The following C5orf22 variants were observed in gnomAD, a reference collection of about 807,000 sequenced individuals.
C5orf22 encodes the protein UPF0489 protein C5orf22.
Under a neutral mutation model 48.7 loss-of-function variants are expected in C5orf22, and 36 were observed. That is an observed-to-expected ratio of 0.74 (90% CI 0.57 to 0.98). C5orf22 has a LOEUF of 0.98. Ranked by LOEUF, C5orf22 falls within the 50% of genes least tolerant of loss-of-function variation. The pLI, the probability that C5orf22 is intolerant of heterozygous loss-of-function variation, is 0.00. For synonymous variants in C5orf22, 141 were observed against 180.8 expected (o/e 0.78, Z 1.76); for missense variants, 486 against 521.9 (o/e 0.93, Z 0.67).
At chr5:31,548,937 C>T (rs1743067110) in intron 7 of C5orf22, among the ~76,000 whole-genome samples, 1 of 152,066 alleles carries the variant, frequency 6.6e-6, no homozygotes, top group African/African-American at 2.4e-5. Flanking sequence ...ATCAGATCTC[C>T]AGCCGGGCAT....
At position 31,552,902 on chromosome 5, in the gene C5orf22, A is replaced by C; in HGVS notation, c.1329A>C (p.Ter443CysextTer18). Residue 443 changes from the stop codon to cysteine (C), a stop_lost, in exon 9 of 9, where the codon TGA (stop) becomes TGC (cysteine). Coordinates refer to ENST00000325366, the MANE Select transcript of C5orf22 (RefSeq NM_018356.3). ...QVYAAESPPS[*>C] ...ATGCAGCAGAGTCTCCTCCATCTTG[A>C]AACAAACAAAACATTAGGCTCCTGT... is the stretch of plus-strand genomic sequence containing the variant. 1.2e-6 allele frequency: 2 copies of C among 1,613,168 alleles called. No homozygotes were observed. Among genetic ancestry groups the C allele is most frequent in the Non-Finnish European group, 1.7e-6 (2 of 1,179,452 alleles).
At chr5:31,552,631 C>T (rs10520987) in intron 8 of C5orf22, 142 bp from the exon 9 acceptor site, 253,859 of 637,904 alleles carry the variant, frequency 0.4, 54,662 homozygotes, top group African/African-American at 0.61. Flanking sequence ...GGTAAACCTT[C>T]ACTAGCTTTC....
chr5:31,539,167 AC>A (rs1742298742), intron 4 of C5orf22, among the ~76,000 whole-genome samples: 1 of 152,254 alleles, frequency 6.6e-6, no homozygotes, highest in South Asian at 2.1e-4. Context: ...ACAACTATTT[AC>A]ATAGGATTTA....
chr5:31,545,628 G>A lies in C5orf22; in HGVS notation c.993-18G>A. 6.3e-7 allele frequency: 1 copy of A among 1,597,394 alleles called. No individual in the cohort carries two copies. Among genetic ancestry groups the A allele is most frequent in the Non-Finnish European group, 8.6e-7 (1 of 1,165,874 alleles). On this transcript the variant is annotated intron_variant, in intron 6 of 8. Coordinates refer to ENST00000325366, the MANE Select transcript of C5orf22 (RefSeq NM_018356.3). ...TGGTGGTTGTGATGTTTAATTGAGT[G>A]GGATGGCTTTTTTCCAGAATGGAAT...
intron 8 of C5orf22, among the ~76,000 whole-genome samples, chr5:31,551,959 C>T (rs1743295080): frequency 6.6e-6 from 1 of 152,184 alleles, no homozygotes; most frequent in African/African-American, 2.4e-5. Flanking sequence ...TACAGATTAT[C>T]TCTTTAGGTT....
chr5:31,532,518 C>G (rs1007621246), intron 1 of C5orf22, 45 bp downstream of exon 1: 5 of 1,553,616 alleles, frequency 3.2e-6, no homozygotes, highest in Non-Finnish European at 4.4e-6. Context: ...CAGCGGAAGC[C>G]CTGACGCTCA....
At chr5:31,534,485 A>G (rs1580432283) in intron 2 of C5orf22, 68 bp downstream of exon 2, 1 of 1,392,102 alleles carries the variant, frequency 7.2e-7, no homozygotes, top group Non-Finnish European at 9.9e-7. Context: ...ATAAGCAATT[A>G]TAGGAAATAG....
intron 3 of C5orf22, among the ~76,000 whole-genome samples, chr5:31,537,856 A>G (rs1260347583): frequency 6.6e-6 from 1 of 152,174 alleles, no homozygotes; most frequent in Non-Finnish European, 1.5e-5. Context: ...AGTTTGGGGA[A>G]CCCTAGTTCC....
chr5:31,535,753 TA>T lies in C5orf22; in HGVS notation c.238del (p.Ile80LeufsTer17). 1 of 1,596,792 alleles carries T rather than the reference TA, an allele frequency of 6.3e-7. No homozygotes were observed. Among genetic ancestry groups the T allele is most frequent in the Non-Finnish European group, 8.5e-7 (1 of 1,174,746 alleles). Reference protein sequence around the residue: ...DKETLFGELSIENWIMPAVYA... With the variant: ...DKETLFGELSXENWIMPAVYA... ...TATGTTTCTTTTCCAGAGAATTAAG[TA>T]TTGAAAATTGGATTATGCCTGCAGT... On this transcript the variant is annotated frameshift_variant, in exon 3 of 9. Transcript: ENST00000325366. LOFTEE classifies it high-confidence loss of function.
At chr5:31,537,415 T>C (rs546059605) in intron 3 of C5orf22, among the ~76,000 whole-genome samples, 7 of 152,324 alleles carry the variant, frequency 4.6e-5, no homozygotes, top group African/African-American at 1.7e-4. Context: ...CATCTTAGGG[T>C]TGTACAGTTT....
rs1371807693 is a variant in C5orf22, at chr5:31,535,180, A to G, written c.228-564A>G. On this transcript the variant is annotated intron_variant, in intron 2 of 8. Coordinates refer to ENST00000325366, the MANE Select transcript of C5orf22 (RefSeq NM_018356.3). ...CTTATTTGAAATGTAGAATTCAGCA[A>G]TTCAGTATCAAGTGTGAATAACCAT... The G allele has an allele frequency of 8.6e-6, 3 of 347,354 alleles. No individual in the cohort carries two copies. The Admixed American group carries it at 1.1e-4, about 13-fold the overall frequency. 21.5% of individuals were successfully genotyped at this position (347,354 alleles called of 1,614,324 possible). A position where few individuals can be genotyped will look rare whatever the true frequency, so the allele number is the denominator to read the frequency against.
chr5:31,539,126 A>T (rs1742296522), intron 4 of C5orf22, among the ~76,000 whole-genome samples: 1 of 152,246 alleles, frequency 6.6e-6, no homozygotes, highest in African/African-American at 2.4e-5. Flanking sequence ...CAAGAGTAAA[A>T]AATAATACAA....
In C5orf22 at chr5:31,534,621, A is replaced by G. The variant is rs1580432524; in HGVS notation, c.227+204A>G. ...AGCAAATATTTTAGGTTTGCTGGCT[A>G]TATGGTCTCTGTTGCAACTATTAAT... On this transcript the variant is annotated intron_variant, in intron 2 of 8. Transcript: ENST00000325366. 2.6e-5 allele frequency: 14 copies of G among 548,214 alleles called. No individual in the cohort carries two copies. In the East Asian group the frequency reaches 3.8e-4, roughly 15 times the overall value. The allele number at this position is 548,214 out of a possible 1,614,324, so 34.0% of individuals were successfully genotyped here. A position where few individuals can be genotyped will look rare whatever the true frequency, so the allele number is the denominator to read the frequency against.
chr5:31,538,712 C>T, intron 4 of C5orf22, 23 bp downstream of exon 4: 3 of 1,545,454 alleles, frequency 1.9e-6, no homozygotes, highest in Non-Finnish European at 2.7e-6. Flanking sequence ...GTTTTTAACA[C>T]ATAGATCTTG....
intron 8 of C5orf22, among the ~76,000 whole-genome samples, chr5:31,552,062 G>A (rs1450803754): frequency 1.3e-5 from 2 of 152,230 alleles, no homozygotes; most frequent in Non-Finnish European, 1.5e-5. Flanking sequence ...TCCTCTAGAA[G>A]GCTTTATTCA....
Position 31,554,520 on chromosome 5 carries a change from A to T in C5orf22, c.*1618A>T, listed in dbSNP as rs1307673011. On this transcript the variant is annotated 3_prime_UTR_variant, in exon 9 of 9. Coordinates refer to ENST00000325366, the MANE Select transcript of C5orf22 (RefSeq NM_018356.3). ...CCATTTTCATAGGATAATATGTGCC[A>T]AAAAAGGTTTATTTTCTTGGTAAAA... 6.6e-6 allele frequency: 1 copy of T among 152,232 alleles called. No individual in the cohort carries two copies. Among genetic ancestry groups the T allele is most frequent in the Non-Finnish European group, 1.5e-5 (1 of 68,036 alleles). The allele number at this position is 152,232 out of a possible 1,614,324, so 9.4% of individuals were successfully genotyped here.
chr5:31,539,838 T>C (rs1472020803), intron 4 of C5orf22, among the ~76,000 whole-genome samples: 1 of 151,458 alleles, frequency 6.6e-6, no homozygotes, highest in East Asian at 1.9e-4. Flanking sequence ...AGCCAAGGAG[T>C]TTGAGAACAG....
intron 7 of C5orf22, among the ~76,000 whole-genome samples, chr5:31,547,167 T>A (rs1742941453): frequency 6.6e-6 from 1 of 152,218 alleles, no homozygotes; most frequent in African/African-American, 2.4e-5. Flanking sequence ...GGCAGTCAAA[T>A]CTTAAAGCTC....
intron 4 of C5orf22, among the ~76,000 whole-genome samples, chr5:31,539,607 C>G (rs1182335568): frequency 1.3e-5 from 2 of 152,148 alleles, no homozygotes; most frequent in Admixed American, 1.3e-4. Context: ...ATTAGGAAAC[C>G]TGGGAACACA....
Sources: gnomAD v4.1 joint callset for allele counts (sites outside exome capture counted in the v4.1 genomes callset) on GRCh38, gnomAD v4.1.1 for gene constraint, MANE v1.5 for transcripts, NCBI Gene and HGNC (gene_info 2026-07-23, HGNC 2026-07-21) for gene names.